The following ENTPD5 variants were observed in gnomAD, a reference collection of about 807,000 sequenced individuals.
ENTPD5 encodes ectonucleoside triphosphate diphosphohydrolase 5 (inactive), also known as nucleoside diphosphate phosphatase ENTPD5.
A neutral mutation model predicts 60.2 loss-of-function variants in ENTPD5; 49 were observed. The observed-to-expected ratio is 0.81, with a 90% CI of 0.65 to 1.03. The LOEUF is 1.03. Ranked by LOEUF, ENTPD5 falls within the 50% of genes least tolerant of loss-of-function variation. The probability of loss-of-function intolerance (pLI) is 0.00; values close to 1 mark genes in which losing one functional copy is unlikely to be tolerated. For missense variants in ENTPD5, 480 were observed against 507.6 expected, an observed-to-expected ratio of 0.95 and a Z score of 0.52; for synonymous variants, 187 against 185.4, an observed-to-expected ratio of 1.01 and a Z score of -0.07.
intron 15 of ENTPD5, among the ~76,000 whole-genome samples, chr14:73,968,549 C>T (rs2057083272): frequency 6.6e-6 from 1 of 151,924 alleles, no homozygotes; most frequent in Non-Finnish European, 1.5e-5. Context: ...CCTCAGCCTC[C>T]CAAGTAGCTG....
intron 6 of ENTPD5, among the ~76,000 whole-genome samples, chr14:73,980,162 G>T (rs1594874521): frequency 1.3e-5 from 2 of 151,354 alleles, no homozygotes; most frequent in South Asian, 2.1e-4. Flanking sequence ...GGCCAGGCTG[G>T]TCTTGAACTC....
At chr14:73,969,238 A>G (rs747408110) in intron 15 of ENTPD5, among the ~76,000 whole-genome samples, 5 of 152,038 alleles carry the variant, frequency 3.3e-5, no homozygotes, top group Non-Finnish European at 7.4e-5. Flanking sequence ...ATGTGTAACC[A>G]CTCTATTAGC....
At chr14:73,961,110 T>G, downstream of ENTPD5, 1 of 1,551,168 alleles carries the variant, frequency 6.4e-7, no homozygotes, top group Non-Finnish European at 8.7e-7. Context: ...GTTTCTTTAT[T>G]GAATTTTTAA....
At position 73,972,927 on chromosome 14, in the gene ENTPD5, A is replaced by T; in HGVS notation, c.984T>A (p.Ala328=). ...CAGCTCGGTCATAATAGTAAGAGAA[A>T]GCATAGAAGGAACCTCTCTGGACCT... ...PEEVQRGSFY[A]FSYYYDRAVD... Residue 328 remains alanine (A), a synonymous_variant, in exon 13 of 16, where the codon GCT becomes GCA. Coordinates refer to ENST00000334696, the MANE Select transcript of ENTPD5 (RefSeq NM_001249.5). 6.2e-7 allele frequency: 1 copy of T among 1,614,240 alleles called. No homozygotes were observed. The highest frequency in any genetic ancestry group is 8.5e-7 in the Non-Finnish European group (1 of 1,180,038).
rs1173329012 is a variant in ENTPD5 at position 73,964,367 on chromosome 14, TAAAA to T, written c.*2557_*2560del. Reference sequence around the variant, plus strand: ...GCAGGATGGGCGTTACAGAAAAAAATAAAAACTCTCATTCCAAATTGCTCCTAAG... The same window carrying T: ...GCAGGATGGGCGTTACAGAAAAAAATACTCTCATTCCAAATTGCTCCTAAG... On this transcript the variant is annotated 3_prime_UTR_variant, in exon 16 of 16. Transcript: ENST00000334696. 6.6e-6 allele frequency: 1 copy of T among 152,078 alleles called. No homozygotes were observed. The highest frequency in any genetic ancestry group is 1.5e-5 in the Non-Finnish European group (1 of 68,004). The allele number at this position is 152,078 out of a possible 1,614,324, so 9.4% of individuals were successfully genotyped here.
At chr14:73,959,918 C>T (rs750419856), downstream of ENTPD5, 10 of 1,171,420 alleles carry the variant, frequency 8.5e-6, no homozygotes, top group Non-Finnish European at 1.1e-5. Flanking sequence ...TCAGCTGTCC[C>T]TTTCTACTTT....
chr14:73,988,210 T>C, intron 3 of ENTPD5, 38 bp from the exon 4 acceptor site: 1 of 1,459,186 alleles, frequency 6.9e-7, no homozygotes, highest in South Asian at 1.5e-5. Context: ...ACCAACTAGC[T>C]TTTTTAGTTA....
At chr14:73,993,608 T>A (rs537436552) in intron 3 of ENTPD5, among the ~76,000 whole-genome samples, 1 of 152,304 alleles carries the variant, frequency 6.6e-6, no homozygotes, top group East Asian at 1.9e-4. Context: ...GAGCTAGACA[T>A]GTAGATCAAA....
intron 4 of ENTPD5, 113 bp downstream of exon 4, chr14:73,987,773 A>C (rs2057961917): frequency 1.2e-6 from 1 of 862,212 alleles, no homozygotes; most frequent in Non-Finnish European, 1.8e-6. Flanking sequence ...AAAGACATCC[A>C]CTAGGTGTGA....
intron 15 of ENTPD5, among the ~76,000 whole-genome samples, chr14:73,967,832 C>G (rs113969048): frequency 7.0e-6 from 1 of 141,998 alleles, no homozygotes; most frequent in Admixed American, 7.2e-5. Context: ...AAAAAAGAAA[C>G]GAACAAAAAA....
At chr14:74,003,464 G>T (rs1304229058) in intron 3 of ENTPD5, 3 of 1,425,554 alleles carry the variant, frequency 2.1e-6, no homozygotes, top group Non-Finnish European at 2.8e-6. Context: ...TGAGGCAGAG[G>T]TCCAAGTAAA....
Position 73,983,218 on chromosome 14 carries a change from GTCTAT to G in ENTPD5, c.298-62_298-58del, listed in dbSNP as rs1295767970. The G allele has an allele frequency of 9.8e-6, 15 of 1,534,966 alleles. No individual in the cohort carries two copies. The South Asian group carries it at 1.9e-4, about 19-fold the overall frequency. On this transcript the variant is annotated intron_variant, in intron 5 of 15. Transcript: ENST00000334696. ...ACGATCCATTTAGTGGCTGGCACTG[GTCTAT>G]TCTGTCAACATACTTTGTGGGAGCA...
chr14:73,971,942 A>G, intron 13 of ENTPD5, 34 bp from the exon 14 acceptor site: 1 of 1,312,522 alleles, frequency 7.6e-7, no homozygotes, highest in Non-Finnish European at 1.1e-6. Context: ...TGATATCAAA[A>G]CGCCTTCAAG....
rs3742817 is a variant in ENTPD5, at chr14:73,964,185, T to C, written c.*2743A>G. ...TGAAGAATTTTAAGGCACACCTCCA[T>C]TGGCCCACAGAGAGTGTTCTTCATA... On this transcript the variant is annotated 3_prime_UTR_variant, in exon 16 of 16. Coordinates refer to ENST00000334696, the MANE Select transcript of ENTPD5 (RefSeq NM_001249.5). 6.6e-5 allele frequency: 10 copies of C among 152,274 alleles called. No individual in the cohort carries two copies. In the East Asian group the frequency reaches 9.6e-4, roughly 15 times the overall value. The allele number at this position is 152,274 out of a possible 1,614,324, so 9.4% of individuals were successfully genotyped here. A position where few individuals can be genotyped will look rare whatever the true frequency, so the allele number is the denominator to read the frequency against.
chr14:74,013,431 G>A lies in ENTPD5; in HGVS notation c.-130-2281C>T, dbSNP rs150664330. 4.8e-3 allele frequency among the ~76,000 whole-genome samples: 733 copies of A among 152,266 alleles called. 3 individuals carry two copies. Among genetic ancestry groups the A allele is most frequent in the African/African-American group, 0.015 (621 of 41,532 alleles). ...CCATGGGCCGCATGTAGCCCAGGAT[G>A]GTTTTGAATGCAGCCCAACACAAAT... On this transcript the variant is annotated intron_variant, in intron 2 of 15. Transcript: ENST00000334696.
intron 5 of ENTPD5, among the ~76,000 whole-genome samples, chr14:73,985,229 T>C (rs1484535616): frequency 6.6e-6 from 1 of 152,232 alleles, no homozygotes; most frequent in Non-Finnish European, 1.5e-5. Flanking sequence ...TATAGCAGCA[T>C]GATTTATAAT....
chr14:73,989,881 C>A (rs2058065640), intron 3 of ENTPD5, among the ~76,000 whole-genome samples: 1 of 149,016 alleles, frequency 6.7e-6, no homozygotes, highest in African/African-American at 2.5e-5. Context: ...GTGGCAGGTG[C>A]CTGTAATCCC....
chr14:73,991,270 C>T (rs1246532264), intron 3 of ENTPD5, among the ~76,000 whole-genome samples: 1 of 152,012 alleles, frequency 6.6e-6, no homozygotes, highest in African/African-American at 2.4e-5. Context: ...TCCTCAAGGT[C>T]AGGGTTTCTT....
chr14:73,957,903 CAGTA>C (rs1173611869), downstream of ENTPD5: 6 of 474,982 alleles, frequency 1.3e-5, no homozygotes, highest in Non-Finnish European at 2.3e-5. Flanking sequence ...AGCATGTGGA[CAGTA>C]AGAAAGAGTG....
Sources: allele counts gnomAD v4.1 joint callset (sites outside exome capture counted in the v4.1 genomes callset), GRCh38; gene constraint gnomAD v4.1.1; transcripts MANE v1.5; gene names NCBI Gene and HGNC (gene_info 2026-07-23, HGNC 2026-07-21).